NSG2: variants seen among roughly 807,000 people sequenced by gnomAD.
NSG2 encodes neuronal vesicle trafficking-associated protein 2.
In NSG2, 4 loss-of-function variants were observed where a neutral mutation model predicts 16.9. That is an observed-to-expected ratio of 0.24 (90% CI 0.12 to 0.54). The LOEUF (loss-of-function observed/expected upper bound fraction) is 0.54, where lower values mean the gene tolerates loss of function less well. NSG2 is among the 20% of genes least tolerant of loss of function. NSG2 has a pLI of 0.95. For missense variants in NSG2, 179 were observed against 221.1 expected, an observed-to-expected ratio of 0.81 and a Z score of 1.21; for synonymous variants, 98 against 88.7, an observed-to-expected ratio of 1.11 and a Z score of -0.59.
At chr5:174,063,278 C>T (rs1385666108) in intron 2 of NSG2, among the ~76,000 whole-genome samples, 2 of 152,160 alleles carry the variant, frequency 1.3e-5, no homozygotes, top group Admixed American at 6.5e-5. Flanking sequence ...GATTATCTGT[C>T]AGGTTTCTTT....
chr5:174,061,898 G>A (rs1004169993), intron 2 of NSG2, among the ~76,000 whole-genome samples: 11 of 147,698 alleles, frequency 7.4e-5, no homozygotes, highest in African/African-American at 1.3e-4. Flanking sequence ...CCACTGTGCC[G>A]AGCCCCCAAA....
In NSG2 at chr5:174,072,444, C is replaced by G. The variant is rs1000250548; in HGVS notation, c.213+8129C>G. On this transcript the variant is annotated intron_variant, in intron 3 of 4. Coordinates refer to ENST00000303177, the MANE Select transcript of NSG2 (RefSeq NM_015980.5). The surrounding 1 kb of genome is among the most constrained non-coding windows in gnomAD (Gnocchi z 4.0). ...GGCCATCTCCCTATTCATCCCTCAA[C>G]ACCAAATGCACATGGCCTGGGCCTG... Among the ~76,000 whole-genome samples, 1 of 152,242 alleles carries G rather than the reference C, an allele frequency of 6.6e-6. No individual in the cohort carries two copies. The highest frequency in any genetic ancestry group is 2.4e-5 in the African/African-American group (1 of 41,462).
chr5:174,054,191 A>C (rs2113422354), intron 2 of NSG2, among the ~76,000 whole-genome samples: 1 of 152,374 alleles, frequency 6.6e-6, no homozygotes, highest in South Asian at 2.1e-4. Flanking sequence ...GAGTGATCCC[A>C]TTTGGGGAAA....
chr5:174,107,569 C>A lies in NSG2; in HGVS notation c.*64C>A. On this transcript the variant is annotated 3_prime_UTR_variant, in exon 5 of 5. Transcript: ENST00000303177. This position sits in a 1 kb window ranked among gnomAD's most constrained non-coding sequence, Gnocchi z 4.5. Reference sequence around the variant, plus strand: ...GAGGACCCCCATTGGCTAAGCCAAGCTCCAGTTACAAGACAACACTGTACT... The same window carrying A: ...GAGGACCCCCATTGGCTAAGCCAAGATCCAGTTACAAGACAACACTGTACT... 1 of 1,468,780 alleles carries A rather than the reference C, an allele frequency of 6.8e-7. No homozygotes were observed. The highest frequency in any genetic ancestry group is 9.3e-7 in the Non-Finnish European group (1 of 1,073,148). The allele number at this position is 1,468,780 out of a possible 1,614,324, so 91.0% of individuals were successfully genotyped here.
At chr5:174,090,438 G>A (rs890758265) in intron 3 of NSG2, among the ~76,000 whole-genome samples, 3 of 152,264 alleles carry the variant, frequency 2.0e-5, no homozygotes, top group Admixed American at 6.5e-5. Context: ...TGTTTGCTTA[G>A]CACCCACCCA....
intron 3 of NSG2, among the ~76,000 whole-genome samples, chr5:174,092,241 G>A (rs1760732242): frequency 6.6e-6 from 1 of 152,260 alleles, no homozygotes; most frequent in Admixed American, 6.5e-5. Context: ...GGGAAGTCAG[G>A]GGGAGGGCTT....
Position 174,102,457 on chromosome 5 carries a change from C to T in NSG2, c.214-1771C>T, listed in dbSNP as rs1210810953. 2.0e-5 allele frequency among the ~76,000 whole-genome samples: 3 copies of T among 152,118 alleles called. No individual in the cohort carries two copies. In the East Asian group the frequency reaches 5.8e-4, roughly 29 times the overall value. On this transcript the variant is annotated intron_variant, in intron 3 of 4. Transcript: ENST00000303177. ...TAGGCCAACTGACTGAAAGGGACAC[C>T]AGCTTTAAAAAATAACACACACACA...
At chr5:174,075,755 A>T (rs1176068302) in intron 3 of NSG2, among the ~76,000 whole-genome samples, 2 of 152,218 alleles carry the variant, frequency 1.3e-5, no homozygotes, top group Non-Finnish European at 2.9e-5. Flanking sequence ...ATTCTTAAAA[A>T]ATTGATGATG....
At chr5:174,045,881 A>G (rs1210488345) in intron 1 of NSG2, 38 bp downstream of exon 1, 2 of 152,274 alleles carry the variant, frequency 1.3e-5, no homozygotes, top group Non-Finnish European at 2.9e-5. Context: ...CCACTCCCCA[A>G]TATCCTCCAA....
At chr5:174,048,856 G>T (rs1370784196) in intron 2 of NSG2, among the ~76,000 whole-genome samples, 1 of 152,216 alleles carries the variant, frequency 6.6e-6, no homozygotes, top group Admixed American at 6.5e-5. Context: ...GGGCCTGCAT[G>T]CATGCAACGT....
chr5:174,069,056 G>A (rs1362571790), intron 3 of NSG2, among the ~76,000 whole-genome samples: 4 of 150,814 alleles, frequency 2.7e-5, no homozygotes, highest in African/African-American at 9.8e-5. Context: ...TGCTGGTGCT[G>A]TGGAAGGTGT....
chr5:174,102,090 C>T (rs1760903560), intron 3 of NSG2, among the ~76,000 whole-genome samples: 1 of 152,156 alleles, frequency 6.6e-6, no homozygotes, highest in Non-Finnish European at 1.5e-5. Flanking sequence ...CACATGGTGT[C>T]AACAGTAGCT....
intron 3 of NSG2, among the ~76,000 whole-genome samples, chr5:174,087,220 A>G (rs1760640683): frequency 6.6e-6 from 1 of 152,186 alleles, no homozygotes; most frequent in Admixed American, 6.5e-5. Flanking sequence ...AAACATTATG[A>G]TAATGCAATC....
chr5:174,047,702 A>G (rs138310198), intron 2 of NSG2, among the ~76,000 whole-genome samples: 2 of 152,314 alleles, frequency 1.3e-5, no homozygotes, highest in Non-Finnish European at 2.9e-5. Context: ...ATCTCCTGAC[A>G]TGGGAGTAGT....
Position 174,095,764 on chromosome 5 carries a change from ATGT to A in NSG2, c.214-8459_214-8457del, listed in dbSNP as rs747979712. ...TAACCCTCAGAACTCCGAGAGACAGATGTTGTTACAATTCCCCTTTGACAGAAA... is the reference window on the plus strand; with the variant it reads ...TAACCCTCAGAACTCCGAGAGACAGATGTTACAATTCCCCTTTGACAGAAA... On this transcript the variant is annotated intron_variant, in intron 3 of 4. Transcript: ENST00000303177. Among the ~76,000 whole-genome samples the A allele has an allele frequency of 3.9e-5, 6 of 152,340 alleles. No individual in the cohort carries two copies. The East Asian group carries it at 9.6e-4, about 24-fold the overall frequency.
intron 3 of NSG2, among the ~76,000 whole-genome samples, chr5:174,069,987 C>A (rs1426778766): frequency 2.6e-5 from 4 of 151,436 alleles, no homozygotes; most frequent in African/African-American, 9.7e-5. Context: ...AAGTGATCCT[C>A]CCACCTTAGC....
At chr5:174,103,727 A>C (rs1465872899) in intron 3 of NSG2, among the ~76,000 whole-genome samples, 2 of 152,188 alleles carry the variant, frequency 1.3e-5, no homozygotes, top group Non-Finnish European at 2.9e-5. Flanking sequence ...CAGGTGGATC[A>C]CCTGAGGTCA....
At chr5:174,082,100 G>A (rs1420742925) in intron 3 of NSG2, among the ~76,000 whole-genome samples, 2 of 152,090 alleles carry the variant, frequency 1.3e-5, no homozygotes, top group South Asian at 2.1e-4. Flanking sequence ...ATTTGTACCC[G>A]ACCACCTGTC....
At chr5:174,080,056 C>T (rs547327180) in intron 3 of NSG2, among the ~76,000 whole-genome samples, 5 of 152,114 alleles carry the variant, frequency 3.3e-5, no homozygotes, top group Non-Finnish European at 7.4e-5. Context: ...ATTTATTAAT[C>T]TTTTCCCTCT....
Sources: gnomAD v4.1 joint callset for allele counts (sites outside exome capture counted in the v4.1 genomes callset) on GRCh38, gnomAD v4.1.1 for gene constraint, Gnocchi (gnomAD v3.1) non-coding constraint, MANE v1.5 for transcripts, NCBI Gene and HGNC (gene_info 2026-07-23, HGNC 2026-07-21) for gene names.